Variants in SMIM15 observed in about 807,000 individuals in gnomAD.
SMIM15 encodes small integral membrane protein 15.
In SMIM15, 5 loss-of-function variants were observed where a neutral mutation model predicts 6.8. The observed-to-expected ratio is 0.74, with a 90% CI of 0.39 to 1.56. The LOEUF (loss-of-function observed/expected upper bound fraction) is 1.56, where lower values mean the gene tolerates loss of function less well. Ranked by LOEUF, SMIM15 falls within the 40% of genes most tolerant of loss-of-function variation. The pLI is 0.03. For synonymous variants in SMIM15, 30 were observed against 30.8 expected (o/e 0.97, Z 0.09); for missense variants, 81 against 84.8 (o/e 0.96, Z 0.18).
At position 61,159,069 on chromosome 5, in the gene SMIM15, A is replaced by T. The variant is rs1444899914; in HGVS notation, c.*878T>A. 6.6e-6 allele frequency: 1 copy of T among 152,282 alleles called. No individual in the cohort carries two copies. Among genetic ancestry groups the T allele is most frequent in the African/African-American group, 2.4e-5 (1 of 41,476 alleles). 9.4% of individuals were successfully genotyped at this position (152,282 alleles called of 1,614,324 possible). On this transcript the variant is annotated 3_prime_UTR_variant, in exon 3 of 3. Transcript: ENST00000339020. Reference sequence around the variant, plus strand: ...CACTACCACATGAGTTAAAACAAAGAATGAAATAAAAAACAAATGGTGTCT... The same window carrying T: ...CACTACCACATGAGTTAAAACAAAGTATGAAATAAAAAACAAATGGTGTCT...
chr5:61,159,677 C>A lies in SMIM15; in HGVS notation c.*270G>T, dbSNP rs372931608. 4.8e-4 allele frequency: 204 copies of A among 428,178 alleles called. No individual in the cohort carries two copies. Among genetic ancestry groups the A allele is most frequent in the African/African-American group, 3.9e-3 (194 of 50,258 alleles). 26.5% of individuals were successfully genotyped at this position (428,178 alleles called of 1,614,324 possible). ...TCATTTCAGTATATAAACTGCTAAG[C>A]GGCAAATGACTAAGTCAGTTATAAA... On this transcript the variant is annotated 3_prime_UTR_variant, in exon 3 of 3. Transcript: ENST00000339020.
intron 1 of SMIM15, among the ~76,000 whole-genome samples, chr5:61,161,753 CTG>C (rs1424030190): frequency 6.6e-6 from 1 of 152,092 alleles, no homozygotes; most frequent in Non-Finnish European, 1.5e-5. Flanking sequence ...CCCAAGAAAA[CTG>C]TGACTAGTTT....
In SMIM15 at chr5:61,157,990, TACACACACACACACAC is replaced by T. The variant is rs56157913; in HGVS notation, c.*1941_*1956del. The T allele has an allele frequency of 7.2e-6, 1 of 139,576 alleles. No homozygotes were observed. The highest frequency in any genetic ancestry group is 2.7e-5 in the African/African-American group (1 of 37,332). 8.6% of individuals were successfully genotyped at this position (139,576 alleles called of 1,614,324 possible). A position where few individuals can be genotyped will look rare whatever the true frequency, so the allele number is the denominator to read the frequency against. ...CAATATTCTCTATACTCCAGCCCCT[TACACACACACACACAC>T]ACACACACACACACACACTGTAAAG... On this transcript the variant is annotated 3_prime_UTR_variant, in exon 3 of 3. Coordinates refer to ENST00000339020, the MANE Select transcript of SMIM15 (RefSeq NM_001048249.4).
In SMIM15 at chr5:61,158,416, T is replaced by C. The variant is rs1302143801; in HGVS notation, c.*1531A>G. 2 of 152,118 alleles carry C rather than the reference T, an allele frequency of 1.3e-5. No homozygotes were observed. Among genetic ancestry groups the C allele is most frequent in the Non-Finnish European group, 2.9e-5 (2 of 68,012 alleles). 9.4% of individuals were successfully genotyped at this position (152,118 alleles called of 1,614,324 possible). ...TGGCACCAAGTAGAGACTGATAATCTAAAAGAATAGCATTAAGTGTTATTC... is the reference window on the plus strand; with the variant it reads ...TGGCACCAAGTAGAGACTGATAATCCAAAAGAATAGCATTAAGTGTTATTC... On this transcript the variant is annotated 3_prime_UTR_variant, in exon 3 of 3. Coordinates refer to ENST00000339020, the MANE Select transcript of SMIM15 (RefSeq NM_001048249.4).
chr5:61,160,213 G>T lies in SMIM15; in HGVS notation c.-28-14C>A. ...TGAAAACTGGGGCTGGGGGAGGCGG[G>T]TGGAGAACACAGAGGAAAAAAACAG... On this transcript the variant is annotated splice_polypyrimidine_tract_variant and intron_variant, in intron 2 of 2. Transcript: ENST00000339020. 4 of 1,581,104 alleles carry T rather than the reference G, an allele frequency of 2.5e-6. No individual in the cohort carries two copies. The highest frequency in any genetic ancestry group is 1.1e-5 in the South Asian group (1 of 87,648).
rs567451286 is a variant in SMIM15, at chr5:61,162,101, C to T, written c.-169+116G>A. The T allele has an allele frequency of 4.6e-5, 7 of 152,554 alleles. No individual in the cohort carries two copies. Among genetic ancestry groups the T allele is most frequent in the Admixed American group, 4.6e-4 (7 of 15,304 alleles). The allele number at this position is 152,554 out of a possible 1,614,324, so 9.5% of individuals were successfully genotyped here. On this transcript the variant is annotated intron_variant, in intron 1 of 2. Coordinates refer to ENST00000339020, the MANE Select transcript of SMIM15 (RefSeq NM_001048249.4). This position sits in a 1 kb window ranked among gnomAD's most constrained non-coding sequence, Gnocchi z 4.4. The stretch of plus-strand genomic sequence containing the variant: ...GATCGACCAGGCTCGATCTCCCAAC[C>T]AGACCCGCGTGGCCCCTGCGGCTGC...
In SMIM15 at chr5:61,159,708, T is replaced by A. The variant is rs1356703089; in HGVS notation, c.*239A>T. On this transcript the variant is annotated 3_prime_UTR_variant, in exon 3 of 3. Transcript: ENST00000339020. ...ATGACTAAGTCAGTTATAAAGAATT[T>A]GTACCACAGTAAATGCTAATTTACA... The A allele has an allele frequency of 3.8e-6, 2 of 522,166 alleles. No homozygotes were observed. Among genetic ancestry groups the A allele is most frequent in the African/African-American group, 3.8e-5 (2 of 52,316 alleles). The allele number at this position is 522,166 out of a possible 1,614,324, so 32.3% of individuals were successfully genotyped here. A position where few individuals can be genotyped will look rare whatever the true frequency, so the allele number is the denominator to read the frequency against.
At chr5:61,161,331 C>G (rs1482908692) in intron 1 of SMIM15, 104 bp from the exon 2 acceptor site, 2 of 152,074 alleles carry the variant, frequency 1.3e-5, no homozygotes, top group East Asian at 1.9e-4. Flanking sequence ...ATATATGCAA[C>G]CTATATGACA....
Position 61,159,153 on chromosome 5 carries a change from C to G in SMIM15, c.*794G>C. 6.6e-6 allele frequency: 1 copy of G among 152,508 alleles called. No individual in the cohort carries two copies. Among genetic ancestry groups the G allele is most frequent in the Non-Finnish European group, 1.5e-5 (1 of 68,012 alleles). The allele number at this position is 152,508 out of a possible 1,614,324, so 9.4% of individuals were successfully genotyped here. ...AACTATTTTACAGTTCTGCTTAGCA[C>G]AAGAATAAACTGGGTTCCAAGGTAC... On this transcript the variant is annotated 3_prime_UTR_variant, in exon 3 of 3. Coordinates refer to ENST00000339020, the MANE Select transcript of SMIM15 (RefSeq NM_001048249.4).
chr5:61,160,900 A>G (rs1339967898), intron 2 of SMIM15, among the ~76,000 whole-genome samples, 188 bp downstream of exon 2: 1 of 152,204 alleles, frequency 6.6e-6, no homozygotes, highest in Non-Finnish European at 1.5e-5. Flanking sequence ...GTGTAAGGAA[A>G]AGGCAACTGG....
chr5:61,159,840 C>T lies in SMIM15; in HGVS notation c.*107G>A, dbSNP rs1163212427. 7.9e-7 allele frequency: 1 copy of T among 1,258,818 alleles called. No individual in the cohort carries two copies. Among genetic ancestry groups the T allele is most frequent in the Non-Finnish European group, 1.1e-6 (1 of 913,940 alleles). 78.0% of individuals were successfully genotyped at this position (1,258,818 alleles called of 1,614,324 possible). A position where few individuals can be genotyped will look rare whatever the true frequency, so the allele number is the denominator to read the frequency against. On this transcript the variant is annotated 3_prime_UTR_variant, in exon 3 of 3. Coordinates refer to ENST00000339020, the MANE Select transcript of SMIM15 (RefSeq NM_001048249.4). ...CTTCCATTTGGTCAAATTTCATTTACTAAATCATACTGTCAAGAAATCCAA... is the reference window on the plus strand; with the variant it reads ...CTTCCATTTGGTCAAATTTCATTTATTAAATCATACTGTCAAGAAATCCAA...
At position 61,157,734 on chromosome 5, in the gene SMIM15, T is replaced by C. The variant is rs1741346747; in HGVS notation, c.*2213A>G. 2 of 152,360 alleles carry C rather than the reference T, an allele frequency of 1.3e-5. No homozygotes were observed. The highest frequency in any genetic ancestry group is 3.4e-3 in the Middle Eastern group (1 of 294). 9.4% of individuals were successfully genotyped at this position (152,360 alleles called of 1,614,324 possible). ...TTCTGACATACAAACTTTTATTTAT[T>C]TGCTGATTTTTGATAAAATGTTTGT... On this transcript the variant is annotated 3_prime_UTR_variant, in exon 3 of 3. Coordinates refer to ENST00000339020, the MANE Select transcript of SMIM15 (RefSeq NM_001048249.4).
At position 61,162,236 on chromosome 5, in the gene SMIM15, C is replaced by A; in HGVS notation, c.-188G>T. 6.6e-6 allele frequency: 1 copy of A among 152,668 alleles called. No individual in the cohort carries two copies. 9.5% of individuals were successfully genotyped at this position (152,668 alleles called of 1,614,324 possible). On this transcript the variant is annotated 5_prime_UTR_variant, in exon 1 of 3. Transcript: ENST00000339020. This position sits in a 1 kb window ranked among gnomAD's most constrained non-coding sequence, Gnocchi z 4.4. ...CCTTACCCTATCGGGGCTGCAGACC[C>A]ACGGAGGCCACGTTCACTCCTGCCC... is the stretch of plus-strand genomic sequence containing the variant.
In SMIM15 at chr5:61,158,281, T is replaced by C. The variant is rs1361147222; in HGVS notation, c.*1666A>G. The C allele has an allele frequency of 6.6e-6, 1 of 152,186 alleles. No individual in the cohort carries two copies. The highest frequency in any genetic ancestry group is 1.5e-5 in the Non-Finnish European group (1 of 68,028). The allele number at this position is 152,186 out of a possible 1,614,324, so 9.4% of individuals were successfully genotyped here. ...AAAATGTGACCCTAAGTAAAACATG[T>C]ACATAAATTCTTTCCATGAACAGCT... On this transcript the variant is annotated 3_prime_UTR_variant, in exon 3 of 3. Transcript: ENST00000339020.
chr5:61,159,603 A>T lies in SMIM15; in HGVS notation c.*344T>A. The stretch of plus-strand genomic sequence containing the variant: ...TAGGACCCCATTTTAAATAGAGTTC[A>T]TTTGAATTGAGTTCATAATCTAAAG... On this transcript the variant is annotated 3_prime_UTR_variant, in exon 3 of 3. Coordinates refer to ENST00000339020, the MANE Select transcript of SMIM15 (RefSeq NM_001048249.4). The T allele has an allele frequency of 3.7e-6, 1 of 268,906 alleles. No individual in the cohort carries two copies. The highest frequency in any genetic ancestry group is 7.1e-6 in the Non-Finnish European group (1 of 140,178). The allele number at this position is 268,906 out of a possible 1,614,324, so 16.7% of individuals were successfully genotyped here.
chr5:61,161,754 T>G (rs932325472), intron 1 of SMIM15, among the ~76,000 whole-genome samples: 2 of 152,040 alleles, frequency 1.3e-5, no homozygotes, highest in Non-Finnish European at 2.9e-5. Context: ...CCAAGAAAAC[T>G]GTGACTAGTT....
At chr5:61,161,452 C>T (rs1419721810) in intron 1 of SMIM15, among the ~76,000 whole-genome samples, 1 of 152,098 alleles carries the variant, frequency 6.6e-6, no homozygotes, top group African/African-American at 2.4e-5. Context: ...AAGTATTTTA[C>T]TAAGTTACTT....
Position 61,157,990 on chromosome 5 carries a change from T to TACACACACACACACACACACACACAC in SMIM15, c.*1931_*1956dup. 7.2e-6 allele frequency: 1 copy of TACACACACACACACACACACACACAC among 139,502 alleles called. No individual in the cohort carries two copies. The highest frequency in any genetic ancestry group is 1.5e-5 in the Non-Finnish European group (1 of 64,726). 8.6% of individuals were successfully genotyped at this position (139,502 alleles called of 1,614,324 possible). A position where few individuals can be genotyped will look rare whatever the true frequency, so the allele number is the denominator to read the frequency against. On this transcript the variant is annotated 3_prime_UTR_variant, in exon 3 of 3. Transcript: ENST00000339020. ...CAATATTCTCTATACTCCAGCCCCTTACACACACACACACACACACACACA... is the reference window on the plus strand; with the variant it reads ...CAATATTCTCTATACTCCAGCCCCTTACACACACACACACACACACACACACACACACACACACACACACACACACA...
rs1355129689 is a variant in SMIM15, at chr5:61,158,230, A to G, written c.*1717T>C. The G allele has an allele frequency of 6.6e-6, 1 of 152,192 alleles. No individual in the cohort carries two copies. The highest frequency in any genetic ancestry group is 2.4e-5 in the African/African-American group (1 of 41,444). 9.4% of individuals were successfully genotyped at this position (152,192 alleles called of 1,614,324 possible). A position where few individuals can be genotyped will look rare whatever the true frequency, so the allele number is the denominator to read the frequency against. On this transcript the variant is annotated 3_prime_UTR_variant, in exon 3 of 3. Coordinates refer to ENST00000339020, the MANE Select transcript of SMIM15 (RefSeq NM_001048249.4). Reference sequence around the variant, plus strand: ...GTAGGTAACTGAGAATTATGACTATATCCTTTGCTTCAATACTTTTACTCT... The same window carrying G: ...GTAGGTAACTGAGAATTATGACTATGTCCTTTGCTTCAATACTTTTACTCT...
Sources: gnomAD v4.1 joint callset for allele counts (sites outside exome capture counted in the v4.1 genomes callset) on GRCh38, gnomAD v4.1.1 for gene constraint, Gnocchi (gnomAD v3.1) non-coding constraint, MANE v1.5 for transcripts, NCBI Gene and HGNC (gene_info 2026-07-23, HGNC 2026-07-21) for gene names.